ZNF469: variants seen among roughly 807,000 people sequenced by gnomAD.
ZNF469 encodes the protein zinc finger protein 469.
Under a neutral mutation model 1.0 loss-of-function variants are expected in ZNF469, and 1 was observed. That is an observed-to-expected ratio of 1.00 (90% CI 0.35 to 4.73). The LOEUF (loss-of-function observed/expected upper bound fraction) is 4.73, where lower values mean the gene tolerates loss of function less well. Among genes scored for constraint, ZNF469 ranks in the 30% most tolerant of loss-of-function variants. The pLI is 0.16. For missense variants in ZNF469, 6,100 were observed against 5,356.3 expected (o/e 1.14, Z -4.33); for synonymous variants, 2,703 against 2,363.4 (o/e 1.14, Z -4.17).
At chr16:88,358,145 C>G in the ZNF469 span, among the ~76,000 whole-genome samples, 1 of 152,232 alleles carries the variant, frequency 6.6e-6, no homozygotes, top group African/African-American at 2.4e-5. Flanking sequence ...CCCCAGCCGG[C>G]TTGCACTGCA....
the ZNF469 span, among the ~76,000 whole-genome samples, chr16:88,121,459 C>A: frequency 6.6e-6 from 1 of 152,202 alleles, no homozygotes; most frequent in Non-Finnish European, 1.5e-5. Context: ...GCTCAGTGAA[C>A]TTCCAGAATG....
At chr16:88,233,543 A>T in the ZNF469 span, among the ~76,000 whole-genome samples, 2 of 152,150 alleles carry the variant, frequency 1.3e-5, no homozygotes, top group African/African-American at 4.8e-5. Flanking sequence ...TTTCTGCGGG[A>T]GGGAAGGCGC....
the ZNF469 span, among the ~76,000 whole-genome samples, chr16:88,196,963 G>A: frequency 6.6e-6 from 1 of 152,202 alleles, no homozygotes; most frequent in Non-Finnish European, 1.5e-5. Context: ...TTGAAAAGCA[G>A]CCACCTCTCA....
the ZNF469 span, among the ~76,000 whole-genome samples, chr16:88,364,050 C>G: frequency 6.6e-6 from 1 of 152,200 alleles, no homozygotes; most frequent in East Asian, 1.9e-4. Context: ...TAAGAAATCA[C>G]TGCCTATTCC....
intron 1 of ZNF469, among the ~76,000 whole-genome samples, chr16:88,394,939 C>A (rs1904612127): frequency 6.6e-6 from 1 of 152,184 alleles, no homozygotes; most frequent in South Asian, 2.1e-4. Flanking sequence ...CTGTCCAGGA[C>A]AACTTTACTG....
the ZNF469 span, among the ~76,000 whole-genome samples, chr16:88,160,853 G>T: frequency 1.3e-5 from 2 of 152,202 alleles, no homozygotes; most frequent in African/African-American, 2.4e-5. Flanking sequence ...AATAAAAAGG[G>T]TTTTAAAGGC....
the ZNF469 span, among the ~76,000 whole-genome samples, chr16:88,118,475 G>A: frequency 3.9e-5 from 6 of 152,322 alleles, no homozygotes; most frequent in African/African-American, 9.6e-5. Context: ...CCAGAGAACC[G>A]TGGGAGCAAT....
the ZNF469 span, among the ~76,000 whole-genome samples, chr16:88,370,213 A>G: frequency 6.6e-6 from 1 of 152,244 alleles, no homozygotes; most frequent in Admixed American, 6.5e-5. Context: ...CCTATTCGGC[A>G]CAATTTCCAG....
intron 1 of ZNF469, among the ~76,000 whole-genome samples, chr16:88,390,543 C>T (rs1445880041): frequency 1.3e-5 from 2 of 152,248 alleles, no homozygotes; most frequent in Non-Finnish European, 2.9e-5. Context: ...CAGGGGGCCT[C>T]AGTTTCCCCT....
the ZNF469 span, among the ~76,000 whole-genome samples, chr16:88,117,928 C>T: frequency 2.6e-5 from 4 of 152,164 alleles, no homozygotes; most frequent in Admixed American, 2.0e-4. Context: ...CGAGGGGAGG[C>T]GCCATACTGT....
rs1200973922 is a variant in ZNF469, at chr16:88,437,457, C to T, written c.9987C>T (p.His3329=). Residue 3329 remains histidine, a synonymous_variant, in exon 3 of 3, where the codon CAC becomes CAT. Transcript: ENST00000565624. ...GEPLLQATPV[H]EACKDPSRDC... ...CCCTCCTGCAAGCCACCCCGGTGCA[C>T]GAGGCCTGCAAGGACCCCTCCCGCG... 3.3e-6 allele frequency: 5 copies of T among 1,530,122 alleles called. No individual in the cohort carries two copies. Among genetic ancestry groups the T allele is most frequent in the Non-Finnish European group, 3.5e-6 (4 of 1,134,374 alleles). 94.8% of individuals were successfully genotyped at this position (1,530,122 alleles called of 1,614,324 possible). A position where few individuals can be genotyped will look rare whatever the true frequency, so the allele number is the denominator to read the frequency against.
chr16:88,402,149 A>T (rs903384712), intron 1 of ZNF469, among the ~76,000 whole-genome samples: 6 of 130,926 alleles, frequency 4.6e-5, no homozygotes, highest in Non-Finnish European at 9.7e-5. Context: ...ATGCATGGGT[A>T]GATGGATGGA....
At chr16:88,165,474 C>T in the ZNF469 span, among the ~76,000 whole-genome samples, 9 of 152,182 alleles carry the variant, frequency 5.9e-5, no homozygotes, top group African/African-American at 2.2e-4. Flanking sequence ...ACTGGGAATG[C>T]AGGGCTCTGC....
At chr16:88,326,459 C>A in the ZNF469 span, among the ~76,000 whole-genome samples, 2 of 152,202 alleles carry the variant, frequency 1.3e-5, no homozygotes, top group African/African-American at 4.8e-5. Context: ...TGAAAATGGT[C>A]TAATACACTT....
At chr16:88,391,891 G>A (rs1219239950) in intron 1 of ZNF469, among the ~76,000 whole-genome samples, 3 of 152,188 alleles carry the variant, frequency 2.0e-5, no homozygotes, top group African/African-American at 7.2e-5. Context: ...GAAAAATTTA[G>A]TATAATATGA....
Position 88,426,461 on chromosome 16 carries a change from G to A in ZNF469, c.-126-884G>A, listed in dbSNP as rs566631262. On this transcript the variant is annotated intron_variant, in intron 2 of 2. Coordinates refer to ENST00000565624, the MANE Select transcript of ZNF469 (RefSeq NM_001367624.2). Reference sequence around the variant, plus strand: ...TCCTGTCCGCACAGAGGACAGTCCCGTATGTCATGACATGAGAACAGACAT... The same window carrying A: ...TCCTGTCCGCACAGAGGACAGTCCCATATGTCATGACATGAGAACAGACAT... Among the ~76,000 whole-genome samples, 213 of 152,376 alleles carry A rather than the reference G, an allele frequency of 1.4e-3. 1 individual carries two copies. The highest frequency in any genetic ancestry group is 1.8e-3 in the Non-Finnish European group (123 of 68,030).
the ZNF469 span, among the ~76,000 whole-genome samples, chr16:88,300,674 G>C: frequency 2.2e-4 from 34 of 152,006 alleles, no homozygotes; most frequent in Non-Finnish European, 4.1e-4. Flanking sequence ...GTCGTGAGTG[G>C]GCCGCCTTCT....
the ZNF469 span, among the ~76,000 whole-genome samples, chr16:88,353,996 C>T: frequency 6.6e-6 from 1 of 152,234 alleles, no homozygotes; most frequent in Non-Finnish European, 1.5e-5. Flanking sequence ...TGCTTCATAT[C>T]TACCTGCTCG....
the ZNF469 span, among the ~76,000 whole-genome samples, chr16:88,351,955 G>A: frequency 2.6e-5 from 4 of 152,242 alleles, no homozygotes; most frequent in African/African-American, 9.6e-5. Flanking sequence ...GAGGAAGGGA[G>A]GCCCCTCCGC....
Sources: gnomAD v4.1 joint callset for allele counts (sites outside exome capture counted in the v4.1 genomes callset) on GRCh38, gnomAD v4.1.1 for gene constraint, MANE v1.5 for transcripts, NCBI Gene and HGNC (gene_info 2026-07-23, HGNC 2026-07-21) for gene names.